Variants in CHD2 observed in about 807,000 individuals in gnomAD.
CHD2 encodes chromodomain helicase DNA binding protein 2.
In CHD2, 28 loss-of-function variants were observed where a neutral mutation model predicts 243.9. The ratio of observed to expected loss-of-function variants is 0.11; its 90% CI spans 0.09 to 0.16. The LOEUF (loss-of-function observed/expected upper bound fraction) is 0.16. Ranked by LOEUF, CHD2 falls within the 10% of genes least tolerant of loss-of-function variation. The probability of loss-of-function intolerance (pLI) is 1.00; values close to 1 mark genes in which losing one functional copy is unlikely to be tolerated. For synonymous variants in CHD2, 775 were observed against 779.0 expected, an observed-to-expected ratio of 0.99 and a Z score of 0.09; for missense variants, 1,386 against 2,209.8, an observed-to-expected ratio of 0.63 and a Z score of 7.47.
At position 92,924,416 on chromosome 15, in the gene CHD2, C is replaced by A; in HGVS notation, c.158C>A (p.Ser53Ter). Residue 53 changes from serine (S) to a stop codon, truncating the protein, a stop_gained, in exon 3 of 39, where the codon TCG becomes TAG. Transcript: ENST00000394196. LOFTEE classifies it high-confidence loss of function. ...CCAGGAAGTGGACATGGCAGCGAGT[C>A]GAACAGCAGCTCTGAATCTTCTGAG... is the stretch of plus-strand genomic sequence containing the variant. ...SDPGSGHGSE[S>*]NSSSESSESQ... The A allele has an allele frequency of 6.2e-7, 1 of 1,613,974 alleles. No individual in the cohort carries two copies. The highest frequency in any genetic ancestry group is 1.1e-5 in the South Asian group (1 of 91,044).
intron 16 of CHD2, among the ~76,000 whole-genome samples, chr15:92,957,153 C>G (rs2053626530): frequency 6.6e-6 from 1 of 152,172 alleles, no homozygotes; most frequent in Non-Finnish European, 1.5e-5. Context: ...TTCAGCGATA[C>G]TTAGAATAAC....
At chr15:92,929,336 T>A (rs1357063630) in intron 5 of CHD2, among the ~76,000 whole-genome samples, 2 of 152,250 alleles carry the variant, frequency 1.3e-5, no homozygotes, top group African/African-American at 4.8e-5. Flanking sequence ...TTGGGATAAA[T>A]CTCAGCTTCT....
intron 13 of CHD2, chr15:92,950,470 C>T (rs962973307): frequency 6.6e-6 from 1 of 152,154 alleles, no homozygotes; most frequent in African/African-American, 2.4e-5. Context: ...ACACTTCTTT[C>T]CCGAAGTACC....
chr15:92,934,603 A>G (rs1222536629), intron 5 of CHD2, among the ~76,000 whole-genome samples: 1 of 152,206 alleles, frequency 6.6e-6, no homozygotes. Context: ...AATGTAGGAG[A>G]GGACAGCAGT....
At chr15:93,006,315 T>A (rs576460647) in intron 34 of CHD2, among the ~76,000 whole-genome samples, 1 of 151,942 alleles carries the variant, frequency 6.6e-6, no homozygotes, top group Non-Finnish European at 1.5e-5. Context: ...TTAGTAGATA[T>A]GAGGTTTCAC....
chr15:92,971,912 A>C lies in CHD2; in HGVS notation c.2337A>C (p.Gly779=), dbSNP rs138084718. The C allele has an allele frequency of 6.2e-6, 10 of 1,611,094 alleles. No homozygotes were observed. The Admixed American group carries it at 1.7e-4, about 27-fold the overall frequency. ...KPPEENEREN[G]QEILLSLIRS... is the part of the protein sequence containing the mutation. ...CTGAAGAAAATGAAAGGGAAAATGG[A>C]CAGGAGATTCTTCTGGTAGGTAGTT... is the stretch of plus-strand genomic sequence containing the variant. Residue 779 remains glycine, a synonymous_variant, in exon 18 of 39, where the codon GGA becomes GGC. Transcript: ENST00000394196.
intron 33 of CHD2, among the ~76,000 whole-genome samples, chr15:93,004,131 A>C (rs982090945): frequency 6.6e-6 from 1 of 150,584 alleles, no homozygotes; most frequent in Non-Finnish European, 1.5e-5. Flanking sequence ...CTCAAAAAAA[A>C]AAAAAAAAAA....
Position 92,981,309 on chromosome 15 carries a change from T to C in CHD2, c.2974-56T>C, listed in dbSNP as rs78380848. On this transcript the variant is annotated intron_variant, in intron 23 of 38. Coordinates refer to ENST00000394196, the MANE Select transcript of CHD2 (RefSeq NM_001271.4). ...TAAATACGAATAATTTCTGGGCAAC[T>C]AGGCAACTCATCTGTTGCCATTTTA... is the stretch of plus-strand genomic sequence containing the variant. 7,039 of 1,215,108 alleles carry C rather than the reference T, an allele frequency of 5.8e-3. 398 individuals are homozygous for C. In the Admixed American group the frequency reaches 0.11, roughly 18 times the overall value. 75.3% of individuals were successfully genotyped at this position (1,215,108 alleles called of 1,614,324 possible). A position where few individuals can be genotyped will look rare whatever the true frequency, so the allele number is the denominator to read the frequency against.
chr15:93,013,265 T>C (rs1390117124), intron 36 of CHD2, among the ~76,000 whole-genome samples: 3 of 151,718 alleles, frequency 2.0e-5, no homozygotes, highest in African/African-American at 7.3e-5. Context: ...AGGAATCATA[T>C]ACTAATAAGC....
At chr15:93,005,805 AAATG>A (rs1165726370) in intron 34 of CHD2, among the ~76,000 whole-genome samples, 3 of 152,232 alleles carry the variant, frequency 2.0e-5, no homozygotes, top group African/African-American at 7.2e-5. Context: ...TAAATTGAAT[AAATG>A]AATAAACTAA....
intron 34 of CHD2, among the ~76,000 whole-genome samples, chr15:93,008,297 G>T (rs1489355906): frequency 6.6e-6 from 1 of 152,232 alleles, no homozygotes; most frequent in Non-Finnish European, 1.5e-5. Context: ...ATCTGTGCCT[G>T]TGCAGTCCCG....
intron 20 of CHD2, among the ~76,000 whole-genome samples, chr15:92,975,665 A>G (rs554824548): frequency 1.3e-5 from 2 of 151,232 alleles, no homozygotes; most frequent in East Asian, 1.9e-4. Context: ...CTGAGCCACT[A>G]CTTTTTTTTT....
intron 5 of CHD2, among the ~76,000 whole-genome samples, chr15:92,936,999 C>G (rs796761818): frequency 6.6e-6 from 1 of 152,264 alleles, no homozygotes; most frequent in African/African-American, 2.4e-5. Flanking sequence ...GGACTGTAGA[C>G]ATGCTCCACC....
intron 24 of CHD2, among the ~76,000 whole-genome samples, chr15:92,983,069 C>G (rs1054789614): frequency 2.0e-5 from 3 of 152,082 alleles, no homozygotes; most frequent in African/African-American, 7.2e-5. Context: ...AGCTAGAGAG[C>G]TCTCTGGGGG....
chr15:92,998,050 G>C lies in CHD2; in HGVS notation c.3886-449G>C. The C allele has an allele frequency of 5.5e-6, 2 of 363,514 alleles. No individual in the cohort carries two copies. The highest frequency in any genetic ancestry group is 7.7e-6 in the Non-Finnish European group (2 of 259,904). 22.5% of individuals were successfully genotyped at this position (363,514 alleles called of 1,614,324 possible). On this transcript the variant is annotated intron_variant, in intron 30 of 38. Transcript: ENST00000394196. The surrounding 1 kb of genome is among the most constrained non-coding windows in gnomAD (Gnocchi z 5.1). ...CAGATTCAGTCTGGCAAGAGACCCA[G>C]TTGTTGTAGCAAGGAACAGATCATG...
rs369142709 is a variant in CHD2 at position 92,998,630 on chromosome 15, G to T, written c.4008+9G>T. The stretch of plus-strand genomic sequence containing the variant: ...TGACAGGTGGGGAAGAGGTGAGTAC[G>T]CTGCCAGCTGGTTGTTTTTCAGGGG... On this transcript the variant is annotated intron_variant, in intron 31 of 38. Transcript: ENST00000394196. This position sits in a 1 kb window ranked among gnomAD's most constrained non-coding sequence, Gnocchi z 5.1. 1 of 1,609,704 alleles carries T rather than the reference G, an allele frequency of 6.2e-7. No individual in the cohort carries two copies. The highest frequency in any genetic ancestry group is 8.5e-7 in the Non-Finnish European group (1 of 1,178,092).
chr15:92,993,460 G>A (rs1017406073), intron 28 of CHD2, among the ~76,000 whole-genome samples: 4 of 152,208 alleles, frequency 2.6e-5, no homozygotes, highest in Admixed American at 2.6e-4. Flanking sequence ...TTTGGGTTAC[G>A]TTGAGATTTT....
Position 92,956,464 on chromosome 15 carries a change from G to T in CHD2, c.1815G>T (p.Val605=). The change falls in exon 16 of 39, where the codon GTG becomes GTT. Residue 605 remains valine (V), a synonymous_variant. Coordinates refer to ENST00000394196, the MANE Select transcript of CHD2 (RefSeq NM_001271.4). ...CTGTTTTGTTTTTACTTTAGACTGT[G>T]CTGGGCAGTATTAACTGGGCCTTTC... ...TYEILLKDKT[V]LGSINWAFLG... 1 of 1,613,520 alleles carries T rather than the reference G, an allele frequency of 6.2e-7. No homozygotes were observed. The highest frequency in any genetic ancestry group is 8.5e-7 in the Non-Finnish European group (1 of 1,179,754).
chr15:93,020,106 G>C lies in CHD2; in HGVS notation c.5001G>C (p.Gln1667His). ...WGSDRHHQYE[Q>H]HWYKDHHYGD... ...GCGACAGGCACCATCAGTATGAGCA[G>C]CACTGGTACAAGGACCACCATTATG... Residue 1667 changes from glutamine to histidine, a missense_variant, in exon 38 of 39, where the codon CAG (glutamine) becomes CAC (histidine). By Grantham distance (24) the Gln-to-His change is conservative. Around this residue, in one of 19 missense-constraint regions of CHD2, gnomAD observed 347 missense variants for 341.6 expected, o/e 1.02. Transcript: ENST00000394196. The C allele has an allele frequency of 6.2e-7, 1 of 1,614,170 alleles. No homozygotes were observed. Among genetic ancestry groups the C allele is most frequent in the Non-Finnish European group, 8.5e-7 (1 of 1,180,036 alleles).
Sources: gnomAD v4.1 joint callset for allele counts (sites outside exome capture counted in the v4.1 genomes callset) on GRCh38, gnomAD v4.1.1 for gene constraint, gnomAD v4.1.1 regional missense constraint, Gnocchi (gnomAD v3.1) non-coding constraint, MANE v1.5 for transcripts, NCBI Gene and HGNC (gene_info 2026-07-23, HGNC 2026-07-21) for gene names.